Variants in NKAIN3 observed in about 807,000 individuals in gnomAD.
NKAIN3 encodes the protein sodium/potassium transporting ATPase interacting 3.
Under a neutral mutation model 30.2 loss-of-function variants are expected in NKAIN3, and 25 were observed. That is an observed-to-expected ratio of 0.83 (90% CI 0.60 to 1.16). NKAIN3 has a LOEUF of 1.16. Ranked by LOEUF, NKAIN3 falls within the 50% of genes most tolerant of loss-of-function variation. The pLI, the probability that NKAIN3 is intolerant of heterozygous loss-of-function variation, is 0.00. For missense variants in NKAIN3, 225 were observed against 254.1 expected (o/e 0.89, Z 0.78); for synonymous variants, 91 against 89.6 (o/e 1.02, Z -0.09).
At chr8:62,452,619 G>A (rs1338911016) in intron 1 of NKAIN3, among the ~76,000 whole-genome samples, 1 of 152,112 alleles carries the variant, frequency 6.6e-6, no homozygotes, top group Non-Finnish European at 1.5e-5. Context: ...ATGAGAAGGA[G>A]TTCAGAAATG....
intron 1 of NKAIN3, among the ~76,000 whole-genome samples, chr8:62,505,764 A>G (rs116848481): frequency 2.0e-5 from 3 of 152,248 alleles, no homozygotes; most frequent in East Asian, 3.9e-4. Context: ...GCCTATATGT[A>G]TTAGTTTCCC....
intron 4 of NKAIN3, among the ~76,000 whole-genome samples, chr8:62,752,897 C>T (rs1009468182): frequency 6.6e-6 from 1 of 152,052 alleles, no homozygotes; most frequent in African/African-American, 2.4e-5. Flanking sequence ...AACATACTGT[C>T]AAATTATTTC....
At chr8:62,898,929 A>C (rs1406833780) in intron 4 of NKAIN3, among the ~76,000 whole-genome samples, 1 of 148,924 alleles carries the variant, frequency 6.7e-6, no homozygotes, top group African/African-American at 2.5e-5. Flanking sequence ...AGATCTGAAT[A>C]GATATTTCTT....
chr8:62,709,132 T>G (rs1040634718), intron 3 of NKAIN3, among the ~76,000 whole-genome samples: 3 of 152,198 alleles, frequency 2.0e-5, no homozygotes, highest in African/African-American at 7.2e-5. Flanking sequence ...GCTAGTATTT[T>G]ATTAAGGATT....
chr8:62,877,703 G>A (rs969327002), intron 4 of NKAIN3, among the ~76,000 whole-genome samples: 5 of 152,020 alleles, frequency 3.3e-5, no homozygotes, highest in African/African-American at 1.2e-4. Context: ...ATAAATGGAC[G>A]GCTTATTTTC....
At chr8:62,913,735 T>A (rs545788231) in intron 4 of NKAIN3, among the ~76,000 whole-genome samples, 53 of 152,318 alleles carry the variant, frequency 3.5e-4, no homozygotes, top group African/African-American at 8.4e-4. Context: ...ACAGGTGTCC[T>A]CCTCTTAGTA....
chr8:62,411,861 A>G (rs1268832187), intron 1 of NKAIN3, among the ~76,000 whole-genome samples: 1 of 152,206 alleles, frequency 6.6e-6, no homozygotes, highest in Non-Finnish European at 1.5e-5. Context: ...GGGGTGAAGT[A>G]TTTCTACAAG....
At chr8:62,596,030 C>T (rs1810821837) in intron 3 of NKAIN3, among the ~76,000 whole-genome samples, 1 of 152,012 alleles carries the variant, frequency 6.6e-6, no homozygotes. Flanking sequence ...CAGGCCCTGA[C>T]TATATGCTTG....
At chr8:62,584,819 AC>A (rs1288239666) in intron 2 of NKAIN3, among the ~76,000 whole-genome samples, 1 of 152,010 alleles carries the variant, frequency 6.6e-6, no homozygotes, top group African/African-American at 2.4e-5. Flanking sequence ...GTAACTTTCT[AC>A]CCCAGCACCC....
intron 4 of NKAIN3, among the ~76,000 whole-genome samples, chr8:62,912,906 T>C (rs1384602144): frequency 6.6e-6 from 1 of 151,610 alleles, no homozygotes; most frequent in Non-Finnish European, 1.5e-5. Context: ...CAAAACTCTG[T>C]CTCAAAAAAA....
At chr8:62,855,806 G>A (rs2130781120) in intron 4 of NKAIN3, 1 of 972,402 alleles carries the variant, frequency 1.0e-6, no homozygotes, top group Non-Finnish European at 1.7e-6. Flanking sequence ...AGAGTAAAAA[G>A]ACAAGCTGGA....
intron 1 of NKAIN3, among the ~76,000 whole-genome samples, chr8:62,276,630 G>T (rs912356660): frequency 1.3e-5 from 2 of 152,108 alleles, no homozygotes; most frequent in African/African-American, 4.8e-5. Context: ...TTAAAATTAG[G>T]TTGGCAAATT....
chr8:62,899,950 A>G (rs1297880588), intron 4 of NKAIN3, among the ~76,000 whole-genome samples: 2 of 152,046 alleles, frequency 1.3e-5, no homozygotes, highest in Non-Finnish European at 2.9e-5. Flanking sequence ...GGTGACAGGT[A>G]CACTAAAATT....
chr8:62,650,762 G>A (rs1042611105), intron 3 of NKAIN3, among the ~76,000 whole-genome samples: 2 of 152,012 alleles, frequency 1.3e-5, no homozygotes, highest in African/African-American at 4.8e-5. Flanking sequence ...GCCTGCCATT[G>A]CTATGCTATT....
At chr8:62,953,816 C>T (rs573941172) in intron 5 of NKAIN3, 86 bp from the exon 6 acceptor site, 4 of 265,674 alleles carry the variant, frequency 1.5e-5, no homozygotes, top group African/African-American at 9.2e-5. Flanking sequence ...TTTTTGTTAA[C>T]TTTGCTCTTA....
chr8:62,618,946 T>G (rs563149138), intron 3 of NKAIN3, among the ~76,000 whole-genome samples: 1 of 151,166 alleles, frequency 6.6e-6, no homozygotes, highest in Non-Finnish European at 1.5e-5. Flanking sequence ...AAAGGGGAAA[T>G]GGAAGGGGAA....
chr8:62,759,080 A>G (rs997316307), intron 4 of NKAIN3, among the ~76,000 whole-genome samples: 1 of 152,222 alleles, frequency 6.6e-6, no homozygotes, highest in African/African-American at 2.4e-5. Flanking sequence ...ATGAAAACAC[A>G]AAGTAATCTT....
At chr8:62,263,173 T>C (rs890819620) in intron 1 of NKAIN3, among the ~76,000 whole-genome samples, 1 of 152,220 alleles carries the variant, frequency 6.6e-6, no homozygotes, top group African/African-American at 2.4e-5. Context: ...TTAAGATGTT[T>C]AAACTTTGTA....
At chr8:62,878,171 G>A (rs1820858985) in intron 4 of NKAIN3, among the ~76,000 whole-genome samples, 1 of 152,052 alleles carries the variant, frequency 6.6e-6, no homozygotes, top group African/African-American at 2.4e-5. Context: ...AATACTAAGA[G>A]GAATTTTTAG....
Sources: allele counts gnomAD v4.1 joint callset (sites outside exome capture counted in the v4.1 genomes callset), GRCh38; gene constraint gnomAD v4.1.1; transcripts MANE v1.5; gene names NCBI Gene and HGNC (gene_info 2026-07-23, HGNC 2026-07-21).